NKAIN3: variants seen among roughly 807,000 people sequenced by gnomAD.
NKAIN3 encodes sodium/potassium-transporting ATPase subunit beta-1-interacting protein 3.
Under a neutral mutation model 30.2 loss-of-function variants are expected in NKAIN3, and 25 were observed. The observed-to-expected ratio is 0.83, with a 90% CI of 0.60 to 1.16. The LOEUF is 1.16. Ranked by LOEUF, NKAIN3 falls within the 50% of genes most tolerant of loss-of-function variation. The pLI is 0.00. For synonymous variants in NKAIN3, 91 were observed against 89.6 expected (o/e 1.02, Z -0.09); for missense variants, 225 against 254.1 (o/e 0.89, Z 0.78).
chr8:62,876,482 TAA>T (rs1269718068), intron 4 of NKAIN3, among the ~76,000 whole-genome samples: 3 of 152,196 alleles, frequency 2.0e-5, no homozygotes, highest in African/African-American at 4.8e-5. Context: ...CAAAGTAATA[TAA>T]GTCATTCTAC....
intron 1 of NKAIN3, among the ~76,000 whole-genome samples, chr8:62,331,000 T>TTCTC (rs1400962474): frequency 1.4e-5 from 2 of 140,590 alleles, no homozygotes; most frequent in African/African-American, 5.9e-5. Flanking sequence ...CTCTCTCTCT[T>TTCTC]TCTCTCTCTC....
chr8:62,850,328 G>T (rs75876428), intron 4 of NKAIN3, among the ~76,000 whole-genome samples: 15,451 of 151,522 alleles, frequency 0.1, 878 homozygotes, highest in Middle Eastern at 0.15. Flanking sequence ...TAAATTTGTT[G>T]GAGTTCATTG....
intron 1 of NKAIN3, among the ~76,000 whole-genome samples, chr8:62,425,584 T>G (rs538119369): frequency 6.6e-6 from 1 of 152,060 alleles, no homozygotes; most frequent in South Asian, 2.1e-4. Context: ...TTGCTGTTAT[T>G]TGACTTGTAG....
intron 5 of NKAIN3, among the ~76,000 whole-genome samples, chr8:62,947,133 T>G (rs970886595): frequency 6.6e-6 from 1 of 152,144 alleles, no homozygotes; most frequent in Non-Finnish European, 1.5e-5. Flanking sequence ...GATATAGAAG[T>G]GTGCACTTTC....
intron 1 of NKAIN3, among the ~76,000 whole-genome samples, chr8:62,552,125 C>T (rs1809236284): frequency 6.6e-6 from 1 of 152,118 alleles, no homozygotes. Flanking sequence ...CAGTGAAGAC[C>T]TCACTGATTA....
At chr8:62,416,156 T>C (rs779878922) in intron 1 of NKAIN3, among the ~76,000 whole-genome samples, 3 of 152,134 alleles carry the variant, frequency 2.0e-5, no homozygotes, top group African/African-American at 4.8e-5. Context: ...CTGGGAAAAT[T>C]TGGGGGCTCA....
chr8:62,391,339 C>T (rs967889524), intron 1 of NKAIN3, among the ~76,000 whole-genome samples: 3 of 151,996 alleles, frequency 2.0e-5, no homozygotes, highest in African/African-American at 7.2e-5. Flanking sequence ...TGAAACAGTC[C>T]TTTAGAAGAG....
intron 4 of NKAIN3, among the ~76,000 whole-genome samples, chr8:62,810,038 G>A (rs1818440345): frequency 6.6e-6 from 1 of 152,088 alleles, no homozygotes; most frequent in African/African-American, 2.4e-5. Context: ...GTCCAAGGTG[G>A]AAGTCAGACC....
chr8:62,647,561 T>C (rs1429173496), intron 3 of NKAIN3, among the ~76,000 whole-genome samples: 6 of 152,162 alleles, frequency 3.9e-5, no homozygotes, highest in African/African-American at 1.2e-4. Context: ...AAAGGCTTCC[T>C]GGACGAAGGA....
chr8:62,628,285 A>G (rs190831790), intron 3 of NKAIN3, among the ~76,000 whole-genome samples: 5 of 152,244 alleles, frequency 3.3e-5, no homozygotes, highest in Admixed American at 2.6e-4. Flanking sequence ...CATTATCTCT[A>G]CACTGAATTA....
intron 4 of NKAIN3, among the ~76,000 whole-genome samples, chr8:62,807,405 T>C (rs111435077): frequency 6.6e-6 from 1 of 152,126 alleles, no homozygotes; most frequent in African/African-American, 2.4e-5. Flanking sequence ...TTTTTGTGTG[T>C]CTATTTACTA....
intron 5 of NKAIN3, among the ~76,000 whole-genome samples, chr8:62,940,986 A>G (rs1822940517): frequency 3.9e-5 from 6 of 152,088 alleles, no homozygotes; most frequent in Admixed American, 3.3e-4. Context: ...TCTTTGAAAG[A>G]TAAATAAGAT....
At position 62,477,365 on chromosome 8, in the gene NKAIN3, G is replaced by A. The variant is rs200071100; in HGVS notation, c.55-102174G>A. ...GGCAGTAAAAAAAAATGTGAAACTG[G>A]TGAATTGGATGAATGAGTACTGTAG... On this transcript the variant is annotated intron_variant, in intron 1 of 6. Coordinates refer to ENST00000623646, the MANE Select transcript of NKAIN3 (RefSeq NM_001304533.3). Among the ~76,000 whole-genome samples the A allele has an allele frequency of 5.3e-5, 8 of 152,172 alleles. No individual in the cohort carries two copies. The East Asian group carries it at 1.4e-3, about 26-fold the overall frequency.
intron 4 of NKAIN3, among the ~76,000 whole-genome samples, chr8:62,854,175 G>C (rs1819994003): frequency 6.6e-6 from 1 of 152,158 alleles, no homozygotes; most frequent in Admixed American, 6.5e-5. Context: ...TATGTATTCT[G>C]TTGTTTTGGG....
chr8:62,378,286 A>G (rs1426950486), intron 1 of NKAIN3, among the ~76,000 whole-genome samples: 1 of 152,184 alleles, frequency 6.6e-6, no homozygotes, highest in East Asian at 1.9e-4. Flanking sequence ...GCAGTAAAGC[A>G]TTCAAGAGGT....
chr8:62,303,076 G>A lies in NKAIN3; in HGVS notation c.54+53949G>A, dbSNP rs886889495. On this transcript the variant is annotated intron_variant, in intron 1 of 6. Transcript: ENST00000623646. Reference sequence around the variant, plus strand: ...TCATTGTTGTGGACCCTGGGATAACGAAAAACAAGGTATAACATTCAAATC... The same window carrying A: ...TCATTGTTGTGGACCCTGGGATAACAAAAAACAAGGTATAACATTCAAATC... Among the ~76,000 whole-genome samples the A allele has an allele frequency of 7.3e-5, 11 of 150,384 alleles. No individual in the cohort carries two copies. In the South Asian group the frequency reaches 1.9e-3, roughly 25 times the overall value.
chr8:62,613,445 A>G lies in NKAIN3; in HGVS notation c.273+23651A>G, dbSNP rs1811352895. The stretch of plus-strand genomic sequence containing the variant: ...TTTCTTTTCTCTTGCTGCTTTTATA[A>G]TCCTTTCTTTATCCTTGATCTTTGG... On this transcript the variant is annotated intron_variant, in intron 3 of 6. Coordinates refer to ENST00000623646, the MANE Select transcript of NKAIN3 (RefSeq NM_001304533.3). Among the ~76,000 whole-genome samples, 4 of 151,988 alleles carry G rather than the reference A, an allele frequency of 2.6e-5. No individual in the cohort carries two copies. In the South Asian group the frequency reaches 6.2e-4, roughly 24 times the overall value.
intron 3 of NKAIN3, among the ~76,000 whole-genome samples, chr8:62,678,670 AC>A: frequency 6.6e-6 from 1 of 150,466 alleles, no homozygotes; most frequent in Non-Finnish European, 1.5e-5. Context: ...TTATATCATT[AC>A]ATTGATAATA....
rs1379833768 is a variant in NKAIN3, at chr8:62,721,660, GA to G, written c.274-25265del. Among the ~76,000 whole-genome samples the G allele has an allele frequency of 2.0e-5, 3 of 152,028 alleles. No individual in the cohort carries two copies. The South Asian group carries it at 6.2e-4, about 32-fold the overall frequency. On this transcript the variant is annotated intron_variant, in intron 3 of 6. Coordinates refer to ENST00000623646, the MANE Select transcript of NKAIN3 (RefSeq NM_001304533.3). ...GCCTTTGTATTGTAGATATGAACAA[GA>G]AAAAAATATGCATTCATTCTTAGAG... is the stretch of plus-strand genomic sequence containing the variant.
Sources: allele counts gnomAD v4.1 joint callset (sites outside exome capture counted in the v4.1 genomes callset), GRCh38; gene constraint gnomAD v4.1.1; transcripts MANE v1.5; gene names NCBI Gene and HGNC (gene_info 2026-07-23, HGNC 2026-07-21).